Variants in CDH23 observed in about 807,000 individuals in gnomAD.
CDH23 encodes cadherin related 23.
Under a neutral mutation model 317.1 loss-of-function variants are expected in CDH23, and 189 were observed. That is an observed-to-expected ratio of 0.60 (90% confidence interval 0.53 to 0.67). The LOEUF is 0.67. Among genes scored for constraint, CDH23 ranks in the 30% least tolerant of loss-of-function variants. The probability of loss-of-function intolerance (pLI) is 0.00; values close to 1 mark genes in which losing one functional copy is unlikely to be tolerated. For missense variants in CDH23, 4,401 were observed against 4,592.4 expected (o/e 0.96, Z 1.20); for synonymous variants, 1,839 against 1,876.8 (o/e 0.98, Z 0.52).
At chr10:71,785,769 C>T (rs761168538) in intron 44 of CDH23, 31 bp downstream of exon 44, 1 of 1,387,388 alleles carries the variant, frequency 7.2e-7, no homozygotes. Flanking sequence ...TGGGAGTGGG[C>T]TGGGAGCTAG....
At chr10:71,752,984 C>T (rs376879828) in intron 38 of CDH23, 38 of 1,612,908 alleles carry the variant, frequency 2.4e-5, no homozygotes, top group South Asian at 1.5e-4. Flanking sequence ...CCTGTCCATC[C>T]GCACCAGCTC....
intron 7 of CDH23, among the ~76,000 whole-genome samples, chr10:71,567,758 C>T (rs2132362984): frequency 1.3e-5 from 2 of 152,400 alleles, no homozygotes; most frequent in Admixed American, 1.3e-4. Context: ...CGCCCCCTCT[C>T]CTTGCTCCCA....
At chr10:71,579,130 T>C (rs986213860) in intron 9 of CDH23, among the ~76,000 whole-genome samples, 1 of 152,202 alleles carries the variant, frequency 6.6e-6, no homozygotes, top group African/African-American at 2.4e-5. Context: ...ACCACGTAAG[T>C]GTTAGCTGTG....
At chr10:71,732,835 C>G in intron 32 of CDH23, 1 of 405,484 alleles carries the variant, frequency 2.5e-6, no homozygotes, top group Non-Finnish European at 3.5e-6. Flanking sequence ...AACCAATTAT[C>G]TGACTCTCTT....
chr10:71,466,498 G>A (rs7088810), intron 3 of CDH23, among the ~76,000 whole-genome samples: 25,583 of 152,080 alleles, frequency 0.17, 3,121 homozygotes, highest in African/African-American at 0.34. Flanking sequence ...ACGGATATGC[G>A]TGTGTCCCTG....
At chr10:71,544,700 A>G (rs769070177) in intron 6 of CDH23, among the ~76,000 whole-genome samples, 1 of 152,238 alleles carries the variant, frequency 6.6e-6, no homozygotes, top group Non-Finnish European at 1.5e-5. Flanking sequence ...GGCATGAAGT[A>G]GAAGCCACCA....
At chr10:71,571,511 C>T (rs1170568390) in intron 8 of CDH23, among the ~76,000 whole-genome samples, 2 of 152,190 alleles carry the variant, frequency 1.3e-5, no homozygotes, top group Non-Finnish European at 1.5e-5. Context: ...GCCTGTAGAT[C>T]GGCTACCCAT....
chr10:71,738,668 G>A (rs774228037), intron 35 of CDH23, 21 bp downstream of exon 35: 1 of 1,609,686 alleles, frequency 6.2e-7, no homozygotes. Context: ...GAGTGAAACA[G>A]CCAGGATCCA....
At chr10:71,640,960 T>C (rs903654701) in intron 11 of CDH23, among the ~76,000 whole-genome samples, 3 of 152,154 alleles carry the variant, frequency 2.0e-5, no homozygotes, top group Non-Finnish European at 2.9e-5. Flanking sequence ...AATGAATAAC[T>C]GGAGAGCTTT....
intron 6 of CDH23, 55 bp from the exon 7 acceptor site, chr10:71,566,687 G>T: frequency 6.7e-7 from 1 of 1,483,412 alleles, no homozygotes; most frequent in South Asian, 1.4e-5. Flanking sequence ...CAGCCCTGAT[G>T]GCGCAGCTGC....
intron 9 of CDH23, 149 bp downstream of exon 9, chr10:71,578,141 C>A: frequency 1.3e-6 from 1 of 763,036 alleles, no homozygotes; most frequent in Non-Finnish European, 2.2e-6. Flanking sequence ...CAGTCCTCGC[C>A]AAAGGGCCAG....
chr10:71,672,492 C>G (rs1422857639), intron 14 of CDH23, among the ~76,000 whole-genome samples: 1 of 152,148 alleles, frequency 6.6e-6, no homozygotes, highest in Non-Finnish European at 1.5e-5. Context: ...ATGAAGCTCT[C>G]CCTCTCCTCC....
intron 28 of CDH23, among the ~76,000 whole-genome samples, chr10:71,720,736 T>C (rs779794895): frequency 2.0e-5 from 3 of 152,178 alleles, no homozygotes; most frequent in Non-Finnish European, 4.4e-5. Flanking sequence ...CTATGGACTG[T>C]TAAAGCTGGA....
Position 71,439,882 on chromosome 10 carries a change from G to A in CDH23, c.51G>A (p.Leu17=), listed in dbSNP as rs540339116. The change falls in exon 2 of 70, where the codon CTG becomes CTA. Residue 17 remains leucine (L), a synonymous_variant. Coordinates refer to ENST00000224721, the MANE Select transcript of CDH23 (RefSeq NM_022124.6). ...GCCACGTGGCCTGGCTTTTGGTGCT[G>A]ATCTCTGGATGCTGGGGTAAGTCCA... is the stretch of plus-strand genomic sequence containing the variant. The part of the protein sequence containing the change: ...TSCHVAWLLV[L]ISGCWGQVNR... 1 of 1,575,056 alleles carries A rather than the reference G, an allele frequency of 6.3e-7. No homozygotes were observed.
Position 71,615,577 on chromosome 10 carries a change from G to T in CDH23, c.906G>T (p.Glu302Asp), listed in dbSNP as rs1861136911. ...CCTTGAATGGCCTGCTGGACCGGGA[G>T]AACCCCCTGTACAGCCATGGCTTCA... ...VLTLNGLLDR[E>D]NPLYSHGFIL... Residue 302 changes from glutamate to aspartate, a missense_variant, in exon 10 of 70, where the codon GAG becomes GAT. Transcript: ENST00000224721. The T allele has an allele frequency of 1.2e-6, 2 of 1,613,878 alleles. No homozygotes were observed. The highest frequency in any genetic ancestry group is 1.7e-5 in the Admixed American group (1 of 60,008).
intron 45 of CDH23, among the ~76,000 whole-genome samples, chr10:71,789,548 C>T (rs140457947): frequency 1.3e-5 from 2 of 152,298 alleles, no homozygotes; most frequent in African/African-American, 4.8e-5. Context: ...GTGATGTCCC[C>T]TGAGGTGGCA....
At chr10:71,646,071 C>T in intron 13 of CDH23, 91 bp downstream of exon 13, 2 of 1,454,024 alleles carry the variant, frequency 1.4e-6, no homozygotes, top group Non-Finnish European at 1.9e-6. Flanking sequence ...TTAGATCCCA[C>T]CTTCCACTGC....
chr10:71,426,624 A>T (rs1849090669), intron 1 of CDH23, among the ~76,000 whole-genome samples: 1 of 152,192 alleles, frequency 6.6e-6, no homozygotes, highest in Non-Finnish European at 1.5e-5. Flanking sequence ...ACCAAGGGTG[A>T]ACTTGGCAGT....
At chr10:71,709,785 T>G (rs1219857592) in intron 27 of CDH23, among the ~76,000 whole-genome samples, 1 of 152,082 alleles carries the variant, frequency 6.6e-6, no homozygotes, top group Non-Finnish European at 1.5e-5. Flanking sequence ...GTTTTCACGC[T>G]GCTGATAAAG....
Sources: gnomAD v4.1 joint callset for allele counts (sites outside exome capture counted in the v4.1 genomes callset) on GRCh38, gnomAD v4.1.1 for gene constraint, MANE v1.5 for transcripts, NCBI Gene and HGNC (gene_info 2026-07-23, HGNC 2026-07-21) for gene names.